ANXA8: variants seen among roughly 807,000 people sequenced by gnomAD.
ANXA8 encodes annexin A8, also known as VAC-beta.
ANXA8 carries 9 observed loss-of-function variants against 26.8 expected under a neutral mutation model. That is an observed-to-expected ratio of 0.34 (90% CI 0.20 to 0.59). ANXA8 has a LOEUF of 0.59. ANXA8 is among the 20% of genes least tolerant of loss of function. The probability of loss-of-function intolerance (pLI) is 0.84; values close to 1 mark genes in which losing one functional copy is unlikely to be tolerated. For missense variants in ANXA8, 83 were observed against 238.5 expected (o/e 0.35, Z 4.29); for synonymous variants, 39 against 94.8 (o/e 0.41, Z 3.42).
the ANXA8 span, among the ~76,000 whole-genome samples, chr10:47,950,504 C>T: frequency 0.82 from 123,245 of 149,584 alleles, 49,796 homozygotes; most frequent in African/African-American, 0.84. Context: ...AATCAATCAA[C>T]GCAATTCACC....
the ANXA8 span, among the ~76,000 whole-genome samples, chr10:47,682,995 ATT>A: frequency 6.6e-6 from 1 of 152,220 alleles, no homozygotes; most frequent in East Asian, 1.9e-4. Context: ...ACCAAAGACA[ATT>A]GCAAAGGAAA....
the ANXA8 span, chr10:47,568,018 A>C: frequency 6.7e-6 from 5 of 748,742 alleles, no homozygotes; most frequent in East Asian, 7.6e-5. Flanking sequence ...CGTAAGTATG[A>C]AAGTTTTTGT....
chr10:47,595,789 G>A, the ANXA8 span, among the ~76,000 whole-genome samples: 1 of 148,370 alleles, frequency 6.7e-6, no homozygotes, highest in Non-Finnish European at 1.5e-5. Context: ...GACCTAAGAG[G>A]TAGACAGCCC....
chr10:47,669,138 A>G, the ANXA8 span, among the ~76,000 whole-genome samples: 1 of 151,818 alleles, frequency 6.6e-6, no homozygotes, highest in Non-Finnish European at 1.5e-5. Flanking sequence ...ATCCTCTAGA[A>G]TTTTGCCTTG....
At chr10:47,650,544 C>T in the ANXA8 span, among the ~76,000 whole-genome samples, 103 of 149,068 alleles carry the variant, frequency 6.9e-4, no homozygotes, top group African/African-American at 2.3e-3. Context: ...TGGTGGCTCA[C>T]GCCTGTAATC....
the ANXA8 span, among the ~76,000 whole-genome samples, chr10:47,967,432 TG>T: frequency 6.9e-6 from 1 of 144,600 alleles, no homozygotes; most frequent in African/African-American, 2.6e-5. Context: ...TTTAGTTTTC[TG>T]TTATTTACTT....
chr10:47,685,377 AC>A, the ANXA8 span, among the ~76,000 whole-genome samples: 1 of 149,872 alleles, frequency 6.7e-6, no homozygotes, highest in East Asian at 2.0e-4. Context: ...AGAAAAAAAA[AC>A]ACAAAAAAAC....
the ANXA8 span, among the ~76,000 whole-genome samples, chr10:47,649,568 C>A: frequency 6.6e-6 from 1 of 151,346 alleles, no homozygotes; most frequent in Non-Finnish European, 1.5e-5. Context: ...ACCACCACGC[C>A]CGGCTAATTT....
the ANXA8 span, among the ~76,000 whole-genome samples, chr10:47,589,895 TA>T: frequency 7.8e-6 from 1 of 128,574 alleles, no homozygotes; most frequent in East Asian, 2.1e-4. Flanking sequence ...AGGGGAAAGA[TA>T]GATAGATGAT....
At chr10:47,691,684 A>G in the ANXA8 span, among the ~76,000 whole-genome samples, 13 of 150,236 alleles carry the variant, frequency 8.7e-5, no homozygotes, top group South Asian at 2.7e-3. Context: ...GCTTGAGCCC[A>G]GGAGGTTGAG....
the ANXA8 span, among the ~76,000 whole-genome samples, chr10:47,556,790 C>A: frequency 1.4e-5 from 2 of 147,198 alleles, no homozygotes; most frequent in African/African-American, 5.0e-5. Flanking sequence ...AGTATTTTTC[C>A]TTTTTTTTCT....
the ANXA8 span, among the ~76,000 whole-genome samples, chr10:47,517,479 T>C: frequency 6.8e-6 from 1 of 147,708 alleles, no homozygotes; most frequent in African/African-American, 2.6e-5. Flanking sequence ...ACCATGTTGG[T>C]CAGGGTTGTC....
Position 47,484,028 on chromosome 10 carries a change from G to A in ANXA8, c.-95C>T, listed in dbSNP as rs1432462495. ...CACGTCTGGCTCCTGCAGCTGAGGA[G>A]TGAGCAGGCCGCTCACTTGGGTGTG... On this transcript the variant is annotated 5_prime_UTR_variant, in exon 1 of 12. Coordinates refer to ENST00000585281, the MANE Select transcript of ANXA8 (RefSeq NM_001040084.3). 2.8e-5 allele frequency: 45 copies of A among 1,611,498 alleles called. 1 individual carries two copies. In the African/African-American group the frequency reaches 5.2e-4, roughly 19 times the overall value.
chr10:47,482,188 G>A (rs2132429845), intron 1 of ANXA8, among the ~76,000 whole-genome samples: 1 of 133,850 alleles, frequency 7.5e-6, no homozygotes, highest in South Asian at 2.4e-4. Context: ...AGCTGTTGCA[G>A]GTGGGGTCTA....
At position 47,469,150 on chromosome 10, in the gene ANXA8, C is replaced by G. The variant is rs1206522249; in HGVS notation, c.925-244G>C. On this transcript the variant is annotated intron_variant, in intron 11 of 11. Transcript: ENST00000585281. ...TGCAGGATTGATGTGGAAAATGAATCAGAGACAGTTCCACTCCTAAACAAG... is the reference window on the plus strand; with the variant it reads ...TGCAGGATTGATGTGGAAAATGAATGAGAGACAGTTCCACTCCTAAACAAG... 2.1e-3 allele frequency among the ~76,000 whole-genome samples: 307 copies of G among 147,860 alleles called. 2 individuals carry two copies. The highest frequency in any genetic ancestry group is 0.015 in the Admixed American group (216 of 14,604).
At chr10:47,655,787 G>A in the ANXA8 span, among the ~76,000 whole-genome samples, 15 of 151,968 alleles carry the variant, frequency 9.9e-5, no homozygotes, top group African/African-American at 3.4e-4. Context: ...TTGGGAGGCC[G>A]AGGTGGGCAG....
chr10:47,552,843 G>C, the ANXA8 span, among the ~76,000 whole-genome samples: 1 of 151,862 alleles, frequency 6.6e-6, no homozygotes, highest in Non-Finnish European at 1.5e-5. Context: ...CACTGTGCCA[G>C]AAAATGGATA....
At chr10:47,986,479 C>T in the ANXA8 span, 8 of 268,022 alleles carry the variant, frequency 3.0e-5, no homozygotes, top group Admixed American at 3.1e-4. Context: ...TTTTTTCTCA[C>T]GGCTTAAGTC....
At chr10:47,743,345 T>C in the ANXA8 span, among the ~76,000 whole-genome samples, 284 of 96,530 alleles carry the variant, frequency 2.9e-3, 11 homozygotes, top group African/African-American at 9.3e-3. Context: ...TATATACATA[T>C]ATATATATAC....
Sources: gnomAD v4.1 joint callset for allele counts (sites outside exome capture counted in the v4.1 genomes callset) on GRCh38, gnomAD v4.1.1 for gene constraint, MANE v1.5 for transcripts, NCBI Gene and HGNC (gene_info 2026-07-23, HGNC 2026-07-21) for gene names.